HPS3: variants seen among roughly 807,000 people sequenced by gnomAD.
The protein encoded by HPS3 is BLOC-2 complex member HPS3.
In HPS3, 79 loss-of-function variants were observed where a neutral mutation model predicts 110.9. The observed-to-expected ratio is 0.71, with a 90% confidence interval of 0.59 to 0.86. The LOEUF is 0.86. HPS3 is among the 40% of genes least tolerant of loss of function. HPS3 has a pLI of 0.00. For missense variants in HPS3, 1,197 were observed against 1,206.2 expected (o/e 0.99, Z 0.11); for synonymous variants, 428 against 451.0 (o/e 0.95, Z 0.65).
chr3:149,141,871 A>G (rs907449676), intron 4 of HPS3, among the ~76,000 whole-genome samples: 1 of 148,124 alleles, frequency 6.8e-6, no homozygotes, highest in Admixed American at 6.8e-5. Context: ...TTTTCTTGAG[A>G]CAGAGTTTTG....
At chr3:149,136,817 A>C (rs1455311884) in intron 1 of HPS3, among the ~76,000 whole-genome samples, 1 of 152,180 alleles carries the variant, frequency 6.6e-6, no homozygotes, top group African/African-American at 2.4e-5. Flanking sequence ...TACTATAAAC[A>C]TTAGTTAATA....
At chr3:149,145,580 T>C in intron 5 of HPS3, 34 bp downstream of exon 5, 2 of 1,563,642 alleles carry the variant, frequency 1.3e-6, no homozygotes, top group Non-Finnish European at 1.8e-6. Flanking sequence ...GGCCTGTGAG[T>C]CACTTATTTG....
At chr3:149,140,548 T>G (rs760597271) in intron 2 of HPS3, 50 bp downstream of exon 2, 1 of 1,602,620 alleles carries the variant, frequency 6.2e-7, no homozygotes. Flanking sequence ...ATAGAAAACC[T>G]TCACCTTTGG....
At chr3:149,145,310 T>G in intron 4 of HPS3, 44 bp from the exon 5 acceptor site, 1 of 1,417,616 alleles carries the variant, frequency 7.1e-7, no homozygotes, top group Non-Finnish European at 1.0e-6. Context: ...CCCCCTTTAT[T>G]TACTGGTTTC....
At chr3:149,155,624 A>G (rs1723413038) in intron 8 of HPS3, among the ~76,000 whole-genome samples, 1 of 152,164 alleles carries the variant, frequency 6.6e-6, no homozygotes, top group Non-Finnish European at 1.5e-5. Flanking sequence ...AGGGCACCAC[A>G]GCTACTGCAG....
chr3:149,156,157 T>C (rs937593892), intron 8 of HPS3, among the ~76,000 whole-genome samples: 1 of 152,244 alleles, frequency 6.6e-6, no homozygotes, highest in African/African-American at 2.4e-5. Context: ...GTGCTTTCTG[T>C]GCACACAGAT....
At chr3:149,151,200 A>AT (rs72093182) in intron 6 of HPS3, among the ~76,000 whole-genome samples, 19,909 of 145,394 alleles carry the variant, frequency 0.14, 1,742 homozygotes, top group South Asian at 0.27. Flanking sequence ...TATTATTATT[A>AT]TTATTTTTTT....
chr3:149,142,601 T>C (rs931031485), intron 4 of HPS3, among the ~76,000 whole-genome samples: 2 of 152,246 alleles, frequency 1.3e-5, no homozygotes, highest in Non-Finnish European at 2.9e-5. Context: ...TCTTTAGATG[T>C]TATCTAGAGA....
At chr3:149,131,033 A>C (rs897613264) in intron 1 of HPS3, among the ~76,000 whole-genome samples, 2 of 151,956 alleles carry the variant, frequency 1.3e-5, no homozygotes, top group Non-Finnish European at 2.9e-5. Context: ...GGAGAACTTG[A>C]ACCTGGAAGA....
intron 1 of HPS3, among the ~76,000 whole-genome samples, chr3:149,135,058 A>G (rs1419800672): frequency 6.6e-6 from 1 of 152,184 alleles, no homozygotes; most frequent in Non-Finnish European, 1.5e-5. Flanking sequence ...CTCTGTAGCA[A>G]GTCTCCTCCT....
At chr3:149,141,974 C>G (rs1186668764) in intron 4 of HPS3, among the ~76,000 whole-genome samples, 1 of 152,004 alleles carries the variant, frequency 6.6e-6, no homozygotes, top group African/African-American at 2.4e-5. Context: ...CCTCAGACTC[C>G]CGAGTAGCTG....
rs10693502 is a variant in HPS3 at position 149,141,200 on chromosome 3, C to CTTT, written c.884+23_884+25dup. On this transcript the variant is annotated intron_variant, in intron 3 of 16. Coordinates refer to ENST00000296051, the MANE Select transcript of HPS3 (RefSeq NM_032383.5). ...CACCTGCTCTATAGGTATTATAGTG[C>CTTT]TTTTTTTTTTTTTACCAGCATTTTA... 167,803 of 1,471,280 alleles carry CTTT rather than the reference C, an allele frequency of 0.11. 2,052 individuals are homozygous for CTTT. The highest frequency in any genetic ancestry group is 0.2 in the African/African-American group (14,108 of 69,380). 91.1% of individuals were successfully genotyped at this position (1,471,280 alleles called of 1,614,324 possible).
intron 6 of HPS3, among the ~76,000 whole-genome samples, chr3:149,151,801 C>G (rs1190821370): frequency 6.6e-6 from 1 of 152,020 alleles, no homozygotes; most frequent in African/African-American, 2.4e-5. Context: ...CAAGAAGCTC[C>G]CAAATTATCA....
chr3:149,141,335 G>T lies in HPS3; in HGVS notation c.925G>T (p.Asp309Tyr). 1 of 1,613,342 alleles carries T rather than the reference G, an allele frequency of 6.2e-7. No homozygotes were observed. Among genetic ancestry groups the T allele is most frequent in the African/African-American group, 1.3e-5 (1 of 74,788 alleles). Residue 309 changes from aspartate (D) to tyrosine (Y), a missense_variant, in exon 4 of 17, where the codon GAC (aspartate) becomes TAC (tyrosine). By Grantham distance (160) the Asp-to-Tyr change is radical (BLOSUM62 -3). Coordinates refer to ENST00000296051, the MANE Select transcript of HPS3 (RefSeq NM_032383.5). ...PDISSYVLSDDIKLHSLQLLP... is the reference protein window; with the variant it reads ...PDISSYVLSDYIKLHSLQLLP... ...TATTTCGTCCTATGTCTTGTCTGAT[G>T]ACATCAAGCTACATTCCCTCCAGCT...
chr3:149,158,978 T>C, intron 10 of HPS3, 132 bp downstream of exon 10: 1 of 656,354 alleles, frequency 1.5e-6, no homozygotes, highest in Admixed American at 2.9e-5. Flanking sequence ...AAAAAAGTAA[T>C]GTGACCTTTT....
intron 8 of HPS3, 44 bp from the exon 9 acceptor site, chr3:149,157,306 A>C: frequency 6.5e-7 from 1 of 1,534,550 alleles, no homozygotes; most frequent in Non-Finnish European, 9.0e-7. Context: ...GGAACTTTTG[A>C]GAGTCTCTCT....
At chr3:149,164,005 A>G in intron 14 of HPS3, 56 bp downstream of exon 14, 4 of 934,546 alleles carry the variant, frequency 4.3e-6, no homozygotes, top group Non-Finnish European at 6.9e-6. Flanking sequence ...ATAGTGTAAG[A>G]TTAAATTTGC....
intron 5 of HPS3, 104 bp from the exon 6 acceptor site, chr3:149,150,495 T>C: frequency 1.3e-6 from 1 of 798,924 alleles, no homozygotes; most frequent in Admixed American, 1.9e-5. Flanking sequence ...AATACTTGAC[T>C]GTCACCCCTG....
At chr3:149,146,091 A>G (rs577809456) in intron 5 of HPS3, among the ~76,000 whole-genome samples, 2 of 152,218 alleles carry the variant, frequency 1.3e-5, no homozygotes, top group Non-Finnish European at 2.9e-5. Context: ...TTATGCTGGC[A>G]TGTAAACTGG....
Sources: gnomAD v4.1 joint callset for allele counts (sites outside exome capture counted in the v4.1 genomes callset) on GRCh38, gnomAD v4.1.1 for gene constraint, MANE v1.5 for transcripts, NCBI Gene and HGNC (gene_info 2026-07-23, HGNC 2026-07-21) for gene names.